Variants in ACACA observed in about 807,000 individuals in gnomAD.
The protein encoded by ACACA is acetyl-CoA carboxylase 1.
In ACACA, 103 loss-of-function variants were observed where a neutral mutation model predicts 296.1. The ratio of observed to expected loss-of-function variants is 0.35; its 90% confidence interval spans 0.30 to 0.41. ACACA has a LOEUF of 0.41. ACACA is among the 10% of genes least tolerant of loss of function. The pLI, the probability that ACACA is intolerant of heterozygous loss-of-function variation, is 1.00. For synonymous variants in ACACA, 953 were observed against 1,038.6 expected, an observed-to-expected ratio of 0.92 and a Z score of 1.58; for missense variants, 1,554 against 2,989.7, an observed-to-expected ratio of 0.52 and a Z score of 11.20.
Position 37,225,000 on chromosome 17 carries a change from T to A in ACACA, c.3466A>T (p.Asn1156Tyr), listed in dbSNP as rs758788930. 6.4e-7 allele frequency: 1 copy of A among 1,562,764 alleles called. No homozygotes were observed. The highest frequency in any genetic ancestry group is 1.1e-5 in the South Asian group (1 of 89,912). ...TATATATATATATATACCTGCAGGT[T>A]CTCAATGCAAAATTGATGTCCATAC... ...DMYGHQFCIE[N>Y]LQKLILSETS... Residue 1156 changes from asparagine (N) to tyrosine (Y), a missense_variant, in exon 27 of 56, where the codon AAC becomes TAC. Coordinates refer to ENST00000616317, the MANE Select transcript of ACACA (RefSeq NM_198834.3).
chr17:37,221,162 C>A (rs975582216), intron 29 of ACACA, among the ~76,000 whole-genome samples: 4 of 152,052 alleles, frequency 2.6e-5, no homozygotes, highest in Non-Finnish European at 5.9e-5. Context: ...CAGGAAGGGA[C>A]AAATAATGTA....
chr17:37,116,230 C>T (rs2074247226), intron 50 of ACACA, among the ~76,000 whole-genome samples: 2 of 152,154 alleles, frequency 1.3e-5, no homozygotes, highest in South Asian at 2.1e-4. Context: ...TCAAGCCATC[C>T]GCCCACCTCG....
intron 52 of ACACA, among the ~76,000 whole-genome samples, chr17:37,102,199 C>CTTTTTTTTT (rs35050543): frequency 1.9e-5 from 2 of 106,092 alleles, no homozygotes; most frequent in African/African-American, 3.9e-5. Flanking sequence ...GCATCCAGCT[C>CTTTTTTTTT]TTTTTTTTTT....
chr17:37,179,574 T>C (rs1218665394), intron 40 of ACACA, among the ~76,000 whole-genome samples, 168 bp from the exon 41 acceptor site: 1 of 152,214 alleles, frequency 6.6e-6, no homozygotes, highest in Non-Finnish European at 1.5e-5. Context: ...AATAGATTTG[T>C]AATTACTTTT....
chr17:37,355,764 A>C (rs965896023), intron 1 of ACACA, among the ~76,000 whole-genome samples: 4 of 152,110 alleles, frequency 2.6e-5, no homozygotes, highest in African/African-American at 9.7e-5. Context: ...GGGCTGAGGC[A>C]GGAGAATCGC....
intron 10 of ACACA, among the ~76,000 whole-genome samples, chr17:37,269,164 G>C (rs2081957978): frequency 6.6e-6 from 1 of 151,616 alleles, no homozygotes; most frequent in Non-Finnish European, 1.5e-5. Context: ...TGTAGAGATA[G>C]AGTCTCACTT....
At chr17:37,132,812 T>G (rs1323375570) in intron 45 of ACACA, among the ~76,000 whole-genome samples, 2 of 152,244 alleles carry the variant, frequency 1.3e-5, no homozygotes, top group African/African-American at 2.4e-5. Flanking sequence ...TACTTTCTTC[T>G]GATGTCTTTG....
intron 45 of ACACA, among the ~76,000 whole-genome samples, chr17:37,136,517 T>C (rs2075339562): frequency 6.6e-6 from 1 of 152,204 alleles, no homozygotes; most frequent in African/African-American, 2.4e-5. Flanking sequence ...TATAGACATT[T>C]GTGTACAGGT....
chr17:37,376,175 C>T, intron 1 of ACACA: 1 of 1,587,988 alleles, frequency 6.3e-7, no homozygotes, highest in Non-Finnish European at 8.6e-7. Context: ...AGCCTAATCT[C>T]CTGGAAAATA....
chr17:37,339,029 A>G (rs549460374), intron 2 of ACACA, among the ~76,000 whole-genome samples: 2 of 151,842 alleles, frequency 1.3e-5, no homozygotes, highest in South Asian at 4.1e-4. Flanking sequence ...GAGGGAAGGG[A>G]AAGTTCCAAC....
chr17:37,268,699 A>ATATATC (rs1427903995), intron 10 of ACACA, among the ~76,000 whole-genome samples: 2 of 147,610 alleles, frequency 1.4e-5, no homozygotes, highest in Non-Finnish European at 1.5e-5. Flanking sequence ...GTAAAATGTA[A>ATATATC]TATATCTATA....
At chr17:37,400,740 CTGTGTGTGTGTG>C (rs71135716) in intron 1 of ACACA, among the ~76,000 whole-genome samples, 2 of 147,460 alleles carry the variant, frequency 1.4e-5, no homozygotes, top group African/African-American at 5.2e-5. Flanking sequence ...GTGTGTGTGT[CTGTGTGTGTGTG>C]TGTGTGTGTA....
At chr17:37,229,405 G>T (rs879712378) in intron 25 of ACACA, among the ~76,000 whole-genome samples, 14 of 151,654 alleles carry the variant, frequency 9.2e-5, no homozygotes. Flanking sequence ...CGGGGTTCAC[G>T]CCATTCTCCT....
At position 37,359,123 on chromosome 17, in the gene ACACA, C is replaced by T. The variant is rs2049287237; in HGVS notation, c.39-19273G>A. 7.1e-6 allele frequency: 7 copies of T among 985,402 alleles called. No homozygotes were observed. In the South Asian group the frequency reaches 2.8e-4, roughly 40 times the overall value. The allele number at this position is 985,402 out of a possible 1,614,324, so 61.0% of individuals were successfully genotyped here. On this transcript the variant is annotated intron_variant, in intron 1 of 55. Transcript: ENST00000616317. ...GGCGTGCAGCACCAGGCCGGCCCGG[C>T]ACACGGAGAAGGGGCGGGGCTTCAG...
At chr17:37,218,455 A>T (rs1320683055) in intron 29 of ACACA, among the ~76,000 whole-genome samples, 2 of 152,254 alleles carry the variant, frequency 1.3e-5, no homozygotes, top group African/African-American at 4.8e-5. Context: ...AAATGTGGCC[A>T]ATAGAAAATT....
At chr17:37,168,711 G>A (rs570066428) in intron 41 of ACACA, among the ~76,000 whole-genome samples, 2 of 152,204 alleles carry the variant, frequency 1.3e-5, no homozygotes, top group Non-Finnish European at 2.9e-5. Context: ...CAAGAACTAC[G>A]TTAGTTTGTT....
intron 41 of ACACA, among the ~76,000 whole-genome samples, chr17:37,178,413 C>G (rs2077197935): frequency 6.6e-6 from 1 of 152,176 alleles, no homozygotes; most frequent in Non-Finnish European, 1.5e-5. Context: ...AGCACCAGAT[C>G]AAATGAATTG....
At chr17:37,289,375 T>C in intron 3 of ACACA, 3 of 1,104,300 alleles carry the variant, frequency 2.7e-6, no homozygotes, top group South Asian at 1.4e-5. Flanking sequence ...ACTAATGGTA[T>C]TGAAAGGTAA....
chr17:37,293,667 C>A (rs925712006), intron 3 of ACACA, among the ~76,000 whole-genome samples: 1 of 151,772 alleles, frequency 6.6e-6, no homozygotes, highest in South Asian at 2.1e-4. Flanking sequence ...CTCAGCCCCC[C>A]AGTAGCTGGG....
Sources: allele counts gnomAD v4.1 joint callset (sites outside exome capture counted in the v4.1 genomes callset), GRCh38; gene constraint gnomAD v4.1.1; transcripts MANE v1.5; gene names NCBI Gene and HGNC (gene_info 2026-07-23, HGNC 2026-07-21).